The following DNAL1 variants were observed in gnomAD, a reference collection of about 807,000 sequenced individuals.
DNAL1 encodes the protein chromosome 14 open reading frame 168.
DNAL1 carries 17 observed loss-of-function variants against 29.4 expected under a neutral mutation model. The ratio of observed to expected loss-of-function variants is 0.58; its 90% CI spans 0.40 to 0.87. The LOEUF is 0.87. Among genes scored for constraint, DNAL1 ranks in the 40% least tolerant of loss-of-function variants. The pLI, the probability that DNAL1 is intolerant of heterozygous loss-of-function variation, is 0.00. For missense variants in DNAL1, 188 were observed against 214.1 expected, an observed-to-expected ratio of 0.88 and a Z score of 0.76; for synonymous variants, 78 against 76.3, an observed-to-expected ratio of 1.02 and a Z score of -0.12.
intron 3 of DNAL1, among the ~76,000 whole-genome samples, chr14:73,660,487 C>CT (rs1389646452): frequency 6.6e-6 from 1 of 152,126 alleles, no homozygotes; most frequent in East Asian, 1.9e-4. Context: ...ATCATCTGCA[C>CT]TTTATGCAGG....
At chr14:73,652,175 C>G (rs1165604404) in intron 1 of DNAL1, among the ~76,000 whole-genome samples, 1 of 152,160 alleles carries the variant, frequency 6.6e-6, no homozygotes, top group African/African-American at 2.4e-5. Context: ...GTTCCCCAGC[C>G]CCCCAGTAGC....
chr14:73,691,882 G>A (rs1004142863), intron 7 of DNAL1, among the ~76,000 whole-genome samples: 1 of 143,040 alleles, frequency 7.0e-6, no homozygotes, highest in East Asian at 2.2e-4. Context: ...ATTTTTAGTA[G>A]AGATGGGGTT....
intron 1 of DNAL1, among the ~76,000 whole-genome samples, chr14:73,648,299 T>G (rs1891025476): frequency 1.3e-5 from 2 of 149,092 alleles, no homozygotes; most frequent in African/African-American, 2.5e-5. Flanking sequence ...TTTCTTTATG[T>G]GCTCACCAAT....
chr14:73,697,743 TAAAAAAAAAAAA>T lies in DNAL1; in HGVS notation c.*1812_*1823del, dbSNP rs59065500. ...GGGCAATAGAGCGAGACTCCATATT[TAAAAAAAAAAAA>T]AAAAAAAAAAGAGGAAAACTTGGTC... On this transcript the variant is annotated 3_prime_UTR_variant, in exon 8 of 8. Transcript: ENST00000553645. 2 of 123,612 alleles carry T rather than the reference TAAAAAAAAAAAA, an allele frequency of 1.6e-5. No homozygotes were observed. The highest frequency in any genetic ancestry group is 3.4e-5 in the Non-Finnish European group (2 of 59,046). The allele number at this position is 123,612 out of a possible 1,614,324, so 7.7% of individuals were successfully genotyped here.
chr14:73,664,230 GTTTAC>G (rs1225479966), intron 4 of DNAL1, among the ~76,000 whole-genome samples: 1 of 152,142 alleles, frequency 6.6e-6, no homozygotes, highest in Non-Finnish European at 1.5e-5. Flanking sequence ...AGCCTTAACT[GTTTAC>G]TTAACTGATT....
intron 7 of DNAL1, among the ~76,000 whole-genome samples, chr14:73,694,009 C>T (rs1892236237): frequency 6.6e-6 from 1 of 152,078 alleles, no homozygotes; most frequent in Non-Finnish European, 1.5e-5. Context: ...CCGTAAAGAA[C>T]ATGTCCCTCT....
chr14:73,687,803 G>T (rs901294609), intron 6 of DNAL1, among the ~76,000 whole-genome samples: 2 of 152,080 alleles, frequency 1.3e-5, no homozygotes, highest in African/African-American at 4.8e-5. Context: ...AACCCGGGAG[G>T]CGGAGCTTGC....
intron 1 of DNAL1, among the ~76,000 whole-genome samples, chr14:73,652,855 T>C (rs1030711181): frequency 1.6e-4 from 24 of 152,184 alleles, no homozygotes; most frequent in African/African-American, 4.6e-4. Context: ...AAATTTTGAC[T>C]TTTTTTCTTT....
rs1555340585 is a variant in DNAL1, at chr14:73,702,104, T to TGC, written c.*6163_*6164dup. ...GTGTGTGTGTGTGTGTGTGTGTGTG[T>TGC]GCACGTGCATGAGAGAGAGTGAAAG... On this transcript the variant is annotated 3_prime_UTR_variant, in exon 8 of 8. Transcript: ENST00000553645. 1.4e-5 allele frequency: 2 copies of TGC among 147,866 alleles called. No individual in the cohort carries two copies. Among genetic ancestry groups the TGC allele is most frequent in the African/African-American group, 4.9e-5 (2 of 40,918 alleles). 9.2% of individuals were successfully genotyped at this position (147,866 alleles called of 1,614,324 possible).
At chr14:73,672,142 C>T (rs993146477) in intron 5 of DNAL1, among the ~76,000 whole-genome samples, 25 of 152,142 alleles carry the variant, frequency 1.6e-4, no homozygotes, top group Admixed American at 1.5e-3. Flanking sequence ...CTAACATGAC[C>T]ATCCTGCCCA....
In DNAL1 at chr14:73,671,577, A is replaced by G. The variant is rs768157433; in HGVS notation, c.244A>G (p.Ile82Val). 1 of 1,492,670 alleles carries G rather than the reference A, an allele frequency of 6.7e-7. No homozygotes were observed. The allele number at this position is 1,492,670 out of a possible 1,614,324, so 92.5% of individuals were successfully genotyped here. A position where few individuals can be genotyped will look rare whatever the true frequency, so the allele number is the denominator to read the frequency against. ...LRILSLGRNN[I>V]KNLNGLEAVG... ...GATATTATCTTTAGGAAGAAACAAC[A>G]TAAAGAACTTAAATGGACTGGTAGG... The change falls in exon 5 of 8, where the codon ATA becomes GTA. Residue 82 changes from isoleucine to valine, a missense_variant. By Grantham distance (29) the Ile-to-Val change is conservative. Transcript: ENST00000553645.
intron 3 of DNAL1, among the ~76,000 whole-genome samples, chr14:73,660,384 C>T (rs1891315564): frequency 6.6e-6 from 1 of 152,152 alleles, no homozygotes; most frequent in Admixed American, 6.6e-5. Context: ...TTTTAGGCTA[C>T]AAGTGTGTCT....
rs765353799 is a variant in DNAL1, at chr14:73,662,055, C to G, written c.208+13C>G. 1 of 1,548,392 alleles carries G rather than the reference C, an allele frequency of 6.5e-7. No individual in the cohort carries two copies. ...CTGAATGGCTTAAGTAAGTGATTCA[C>G]AGTAACAGATGGTTCATGGATTTCC... On this transcript the variant is annotated intron_variant, in intron 4 of 7. Transcript: ENST00000553645.
intron 4 of DNAL1, among the ~76,000 whole-genome samples, chr14:73,670,823 G>A (rs1266955097): frequency 1.3e-5 from 2 of 151,492 alleles, no homozygotes; most frequent in Admixed American, 1.3e-4. Context: ...TGCAAGCTCC[G>A]CCTCCTGAAT....
chr14:73,655,037 T>G lies in DNAL1; in HGVS notation c.42+152T>G, dbSNP rs75151042. ...GGTGGTGGATGCATGAACTTACACA[T>G]ATGATAAAATTGTGTAAAACTTAAT... On this transcript the variant is annotated intron_variant, in intron 2 of 7. Coordinates refer to ENST00000553645, the MANE Select transcript of DNAL1 (RefSeq NM_031427.4). Among the ~76,000 whole-genome samples, 1,263 of 152,190 alleles carry G rather than the reference T, an allele frequency of 8.3e-3. 24 individuals are homozygous for G. Among genetic ancestry groups the G allele is most frequent in the African/African-American group, 0.029 (1,195 of 41,534 alleles).
intron 5 of DNAL1, among the ~76,000 whole-genome samples, chr14:73,682,219 A>G (rs564719826): frequency 3.7e-4 from 51 of 137,986 alleles, no homozygotes; most frequent in African/African-American, 1.3e-3. Context: ...TGCCCAGGCT[A>G]GAGTGCAGTG....
chr14:73,659,328 AT>A (rs1039881317), intron 3 of DNAL1, among the ~76,000 whole-genome samples: 1 of 151,654 alleles, frequency 6.6e-6, no homozygotes, highest in African/African-American at 2.4e-5. Context: ...ACGCCCAGCA[AT>A]TTTTTTGTAT....
rs1035703918 is a variant in DNAL1 at position 73,690,809 on chromosome 14, G to T, written c.532+1294G>T. 2.0e-5 allele frequency among the ~76,000 whole-genome samples: 3 copies of T among 152,132 alleles called. No individual in the cohort carries two copies. The East Asian group carries it at 5.8e-4, about 29-fold the overall frequency. ...GAAAGTTAGGCTTATTCTCAAGTCAGAAAGGTAACACAAAGGTCACAAATT... is the reference window on the plus strand; with the variant it reads ...GAAAGTTAGGCTTATTCTCAAGTCATAAAGGTAACACAAAGGTCACAAATT... On this transcript the variant is annotated intron_variant, in intron 7 of 7. Transcript: ENST00000553645.
intron 2 of DNAL1, among the ~76,000 whole-genome samples, chr14:73,655,349 T>G (rs1204415229): frequency 6.7e-6 from 1 of 149,946 alleles, no homozygotes; most frequent in Admixed American, 6.6e-5. Context: ...TTCTTTTCTT[T>G]TTTTTTTTTT....
Sources: allele counts gnomAD v4.1 joint callset (sites outside exome capture counted in the v4.1 genomes callset), GRCh38; gene constraint gnomAD v4.1.1; transcripts MANE v1.5; gene names NCBI Gene and HGNC (gene_info 2026-07-23, HGNC 2026-07-21).